The following KCNH8 variants were observed in gnomAD, a reference collection of about 807,000 sequenced individuals.
KCNH8 encodes potassium voltage-gated channel subfamily H member 8.
Under a neutral mutation model 103.6 loss-of-function variants are expected in KCNH8, and 70 were observed. The ratio of observed to expected loss-of-function variants is 0.68; its 90% CI spans 0.56 to 0.82. The LOEUF (loss-of-function observed/expected upper bound fraction) is 0.82, where lower values mean the gene tolerates loss of function less well. KCNH8 is among the 40% of genes least tolerant of loss of function. KCNH8 has a pLI of 0.00. For synonymous variants in KCNH8, 498 were observed against 489.4 expected (o/e 1.02, Z -0.23); for missense variants, 1,217 against 1,329.9 (o/e 0.92, Z 1.32).
Position 19,533,581 on chromosome 3 carries a change from C to G in KCNH8, c.2806C>G (p.His936Asp), listed in dbSNP as rs758772488. Residue 936 changes from histidine (H) to aspartate (D), a missense_variant, in exon 16 of 16, where the codon CAC becomes GAC. His to Asp is a moderately conservative substitution (Grantham distance 81). Around this residue, in one of 3 missense-constraint regions of KCNH8, gnomAD observed 558 missense variants for 495.8 expected, o/e 1.13. Coordinates refer to ENST00000328405, the MANE Select transcript of KCNH8 (RefSeq NM_144633.3). Reference protein sequence around the residue: ...TSWSAHQPCLHLQTGGAAYTQ... With the variant: ...TSWSAHQPCLDLQTGGAAYTQ... ...CTGGAGTGCACACCAGCCTTGCCTA[C>G]ACTTGCAAACAGGCGGGGCTGCTTA... is the stretch of plus-strand genomic sequence containing the variant. 1.2e-6 allele frequency: 2 copies of G among 1,614,188 alleles called. No homozygotes were observed. The highest frequency in any genetic ancestry group is 3.3e-5 in the Admixed American group (2 of 60,026).
intron 11 of KCNH8, among the ~76,000 whole-genome samples, chr3:19,471,241 C>T (rs958396259): frequency 1.3e-5 from 2 of 152,172 alleles, no homozygotes; most frequent in African/African-American, 4.8e-5. Flanking sequence ...GTTAAATTTG[C>T]ATATGCACAC....
At chr3:19,186,287 TAA>T (rs201199269) in intron 1 of KCNH8, among the ~76,000 whole-genome samples, 2,685 of 106,384 alleles carry the variant, frequency 0.025, 76 homozygotes, top group African/African-American at 0.073. Context: ...TTAAAAAATG[TAA>T]AAAAAAAAAA....
At chr3:19,274,084 A>G (rs1323678730) in intron 2 of KCNH8, among the ~76,000 whole-genome samples, 1 of 152,168 alleles carries the variant, frequency 6.6e-6, no homozygotes, top group African/African-American at 2.4e-5. Context: ...AACATTGTCC[A>G]TAGAAGAGGA....
chr3:19,198,086 C>G (rs2063619789), intron 1 of KCNH8, among the ~76,000 whole-genome samples: 1 of 151,932 alleles, frequency 6.6e-6, no homozygotes, highest in Non-Finnish European at 1.5e-5. Flanking sequence ...TATAGGTCTC[C>G]AATTGCAAAC....
intron 11 of KCNH8, among the ~76,000 whole-genome samples, chr3:19,489,402 G>A (rs1033424591): frequency 3.9e-5 from 6 of 152,078 alleles, no homozygotes; most frequent in Admixed American, 6.5e-5. Context: ...ACTGTGAGGG[G>A]TCTAAAACTA....
At chr3:19,416,179 T>TA (rs2066860755) in intron 7 of KCNH8, among the ~76,000 whole-genome samples, 2 of 152,162 alleles carry the variant, frequency 1.3e-5, no homozygotes, top group South Asian at 2.1e-4. Context: ...GTTTACATGA[T>TA]ACTGATTTTT....
intron 1 of KCNH8, among the ~76,000 whole-genome samples, chr3:19,184,730 G>A (rs1181144174): frequency 4.0e-5 from 6 of 151,856 alleles, no homozygotes; most frequent in Admixed American, 3.3e-4. Flanking sequence ...TTGAGGATAT[G>A]TATGGAGACA....
At chr3:19,438,387 A>G in intron 8 of KCNH8, 26 bp downstream of exon 8, 1 of 1,585,964 alleles carries the variant, frequency 6.3e-7, no homozygotes. Context: ...CTTTTATACT[A>G]AGAAGAGGAA....
In KCNH8 at chr3:19,513,042, G is replaced by A; in HGVS notation, c.2152G>A (p.Glu718Lys). ...TGTGGAAGATGAGGAAGAGGAGGAG[G>A]AGGGGGAGGAAGAGGAGGCAGTCTC... The part of the protein sequence containing the change: ...SIVEDEEEEE[E>K]GEEEEAVSLS... The change falls in exon 13 of 16, where the codon GAG becomes AAG. Residue 718 changes from glutamate to lysine, a missense_variant. Coordinates refer to ENST00000328405, the MANE Select transcript of KCNH8 (RefSeq NM_144633.3). 6.2e-7 allele frequency: 1 copy of A among 1,613,734 alleles called. No individual in the cohort carries two copies. Among genetic ancestry groups the A allele is most frequent in the Non-Finnish European group, 8.5e-7 (1 of 1,179,834 alleles).
chr3:19,418,891 A>G (rs1435383372), intron 7 of KCNH8, among the ~76,000 whole-genome samples: 2 of 152,234 alleles, frequency 1.3e-5, no homozygotes, highest in East Asian at 3.8e-4. Context: ...TTATACTTGC[A>G]CTAATGAAAA....
chr3:19,449,739 C>T (rs1285278614), intron 8 of KCNH8, among the ~76,000 whole-genome samples: 1 of 149,926 alleles, frequency 6.7e-6, no homozygotes, highest in Non-Finnish European at 1.5e-5. Context: ...TTTATTGTAA[C>T]TATCAAACTA....
At chr3:19,518,657 T>C (rs906878437) in intron 15 of KCNH8, among the ~76,000 whole-genome samples, 6 of 152,046 alleles carry the variant, frequency 3.9e-5, no homozygotes, top group African/African-American at 1.4e-4. Context: ...TTAGTAACTT[T>C]ATTGAATCCA....
intron 7 of KCNH8, among the ~76,000 whole-genome samples, chr3:19,422,008 A>C (rs1186862146): frequency 6.6e-6 from 1 of 152,030 alleles, no homozygotes; most frequent in Non-Finnish European, 1.5e-5. Context: ...ATATGTGTTT[A>C]TTTGGTCAAG....
At position 19,516,713 on chromosome 3, in the gene KCNH8, C is replaced by T. The variant is rs527562527; in HGVS notation, c.2542+1285C>T. Among the ~76,000 whole-genome samples, 434 of 152,056 alleles carry T rather than the reference C, an allele frequency of 2.9e-3. 3 individuals are homozygous for T. Among genetic ancestry groups the T allele is most frequent in the African/African-American group, 0.01 (421 of 41,528 alleles). ...CTTACACATTCAAGCATCAAGTTTT[C>T]TAGAAGCAACTTCCAAAATATCTCT... On this transcript the variant is annotated intron_variant, in intron 14 of 15. Transcript: ENST00000328405.
intron 3 of KCNH8, among the ~76,000 whole-genome samples, chr3:19,284,728 G>A (rs1277762641): frequency 2.0e-5 from 3 of 151,860 alleles, no homozygotes; most frequent in Non-Finnish European, 2.9e-5. Context: ...AATTTAATAC[G>A]AGGCCCTGTT....
intron 10 of KCNH8, among the ~76,000 whole-genome samples, chr3:19,455,561 A>G (rs1264831821): frequency 6.6e-6 from 1 of 152,116 alleles, no homozygotes; most frequent in Non-Finnish European, 1.5e-5. Context: ...AGACAGTAAG[A>G]AGGCCACAAG....
At chr3:19,472,428 G>T (rs116331558) in intron 11 of KCNH8, among the ~76,000 whole-genome samples, 4,229 of 152,180 alleles carry the variant, frequency 0.028, 169 homozygotes, top group African/African-American at 0.08. Flanking sequence ...ATGTGGGCAG[G>T]TCTTTCCTGT....
intron 11 of KCNH8, among the ~76,000 whole-genome samples, chr3:19,491,594 G>A (rs142982703): frequency 1.3e-4 from 20 of 152,232 alleles, no homozygotes; most frequent in Admixed American, 5.9e-4. Flanking sequence ...CACCACTGAC[G>A]GTCACCTATG....
At chr3:19,371,100 T>A (rs1038051506) in intron 5 of KCNH8, among the ~76,000 whole-genome samples, 1 of 151,886 alleles carries the variant, frequency 6.6e-6, no homozygotes, top group Non-Finnish European at 1.5e-5. Flanking sequence ...AGCAGCATGA[T>A]TTATAATCCT....
Sources: allele counts gnomAD v4.1 joint callset (sites outside exome capture counted in the v4.1 genomes callset), GRCh38; gene constraint gnomAD v4.1.1; regional missense constraint gnomAD v4.1.1; transcripts MANE v1.5; gene names NCBI Gene and HGNC (gene_info 2026-07-23, HGNC 2026-07-21).